Variants in CAMK1D observed in about 807,000 individuals in gnomAD.
CAMK1D encodes calcium/calmodulin dependent protein kinase ID.
Under a neutral mutation model 47.7 loss-of-function variants are expected in CAMK1D, and 9 were observed. The observed-to-expected ratio is 0.19, with a 90% CI of 0.11 to 0.33. CAMK1D has a LOEUF of 0.33. CAMK1D is among the 10% of genes least tolerant of loss of function. The pLI, the probability that CAMK1D is intolerant of heterozygous loss-of-function variation, is 1.00. For synonymous variants in CAMK1D, 184 were observed against 184.9 expected, an observed-to-expected ratio of 0.99 and a Z score of 0.04; for missense variants, 291 against 488.7, an observed-to-expected ratio of 0.60 and a Z score of 3.81.
intron 1 of CAMK1D, among the ~76,000 whole-genome samples, chr10:12,552,465 A>G (rs1409239573): frequency 6.6e-6 from 1 of 152,148 alleles, no homozygotes; most frequent in African/African-American, 2.4e-5. Context: ...AGCGCTCTGA[A>G]ATTTCCTCTA....
intron 3 of CAMK1D, among the ~76,000 whole-genome samples, chr10:12,758,370 A>G (rs1178706624): frequency 3.7e-5 from 1 of 26,806 alleles, no homozygotes; most frequent in Non-Finnish European, 9.1e-5. Flanking sequence ...TCATAAAAAT[A>G]TATGACAATA....
intron 1 of CAMK1D, among the ~76,000 whole-genome samples, chr10:12,549,743 G>A (rs1204125550): frequency 6.6e-6 from 1 of 152,116 alleles, no homozygotes; most frequent in Non-Finnish European, 1.5e-5. Context: ...CCCATGGGGC[G>A]CCACATAGCC....
At chr10:12,721,891 A>G (rs1049100718) in intron 3 of CAMK1D, among the ~76,000 whole-genome samples, 1 of 152,232 alleles carries the variant, frequency 6.6e-6, no homozygotes, top group Admixed American at 6.5e-5. Context: ...GGTTTTAGAC[A>G]GTAGGAGTTT....
intron 1 of CAMK1D, among the ~76,000 whole-genome samples, chr10:12,385,650 T>G (rs1838469948): frequency 6.6e-6 from 1 of 152,138 alleles, no homozygotes; most frequent in South Asian, 2.1e-4. Flanking sequence ...GTACAGTGTT[T>G]CTTGGGGAGA....
intron 3 of CAMK1D, among the ~76,000 whole-genome samples, chr10:12,739,351 C>A (rs55911037): frequency 8.5e-4 from 129 of 151,956 alleles, no homozygotes; most frequent in Non-Finnish European, 1.4e-3. Context: ...TCTTGGCTCA[C>A]TATAACCTCC....
intron 6 of CAMK1D, among the ~76,000 whole-genome samples, chr10:12,796,751 AGGTGGGGCAC>A (rs2131016472): frequency 6.6e-6 from 1 of 152,214 alleles, no homozygotes; most frequent in South Asian, 2.1e-4. Context: ...GAGCTTTGTG[AGGTGGGGCAC>A]GGTGCCTCAT....
At chr10:12,371,990 T>C (rs1020739772) in intron 1 of CAMK1D, among the ~76,000 whole-genome samples, 8 of 152,148 alleles carry the variant, frequency 5.3e-5, no homozygotes, top group African/African-American at 1.4e-4. Context: ...TACATTGTAT[T>C]TTCACTGCAC....
At chr10:12,476,197 CAGG>C (rs1396609516) in intron 1 of CAMK1D, among the ~76,000 whole-genome samples, 4 of 151,826 alleles carry the variant, frequency 2.6e-5, no homozygotes, top group Non-Finnish European at 4.4e-5. Context: ...GAGGCTGGGG[CAGG>C]AGAATAGCTT....
chr10:12,691,250 A>G (rs963449151), intron 3 of CAMK1D, among the ~76,000 whole-genome samples: 39 of 151,018 alleles, frequency 2.6e-4, no homozygotes, highest in African/African-American at 9.3e-4. Flanking sequence ...AGGAAATAGG[A>G]AGGCAGCCTC....
At chr10:12,504,432 TGAA>T (rs1564377490) in intron 1 of CAMK1D, among the ~76,000 whole-genome samples, 2 of 152,164 alleles carry the variant, frequency 1.3e-5, no homozygotes, top group African/African-American at 4.8e-5. Context: ...GTAGCCCCGC[TGAA>T]GAAGAGAAAG....
chr10:12,734,782 T>C (rs1240579537), intron 3 of CAMK1D, among the ~76,000 whole-genome samples: 2 of 152,040 alleles, frequency 1.3e-5, no homozygotes, highest in Non-Finnish European at 2.9e-5. Flanking sequence ...CAAATTTGCT[T>C]TCTCTTTCTT....
intron 3 of CAMK1D, among the ~76,000 whole-genome samples, chr10:12,672,699 T>C (rs926539021): frequency 3.3e-5 from 5 of 152,112 alleles, no homozygotes; most frequent in African/African-American, 7.2e-5. Flanking sequence ...TATTTCATGA[T>C]CAATTTCAGG....
chr10:12,517,120 C>G (rs1835234255), intron 1 of CAMK1D, among the ~76,000 whole-genome samples: 1 of 152,078 alleles, frequency 6.6e-6, no homozygotes, highest in Admixed American at 6.5e-5. Flanking sequence ...TGTTTACACC[C>G]AAGCATTTTA....
At chr10:12,439,993 G>A (rs561697613) in intron 1 of CAMK1D, among the ~76,000 whole-genome samples, 42 of 152,200 alleles carry the variant, frequency 2.8e-4, no homozygotes, top group Non-Finnish European at 4.7e-4. Flanking sequence ...CACGAGAACA[G>A]TATGGGGGAA....
At chr10:12,411,913 T>A (rs76495296) in intron 1 of CAMK1D, among the ~76,000 whole-genome samples, 1 of 152,230 alleles carries the variant, frequency 6.6e-6, no homozygotes, top group Non-Finnish European at 1.5e-5. Flanking sequence ...TGGCTTCATA[T>A]GCTCCTCTTG....
chr10:12,492,405 C>T (rs1050363217), intron 1 of CAMK1D, among the ~76,000 whole-genome samples: 6 of 151,286 alleles, frequency 4.0e-5, no homozygotes, highest in East Asian at 3.9e-4. Flanking sequence ...GCCATCCACT[C>T]GCATGCTTTT....
intron 1 of CAMK1D, among the ~76,000 whole-genome samples, chr10:12,490,438 T>C (rs1260926647): frequency 6.6e-6 from 1 of 152,078 alleles, no homozygotes; most frequent in Non-Finnish European, 1.5e-5. Context: ...GAAAGAGGTA[T>C]TCTGACAGAG....
At chr10:12,691,990 T>C (rs1489524355) in intron 3 of CAMK1D, among the ~76,000 whole-genome samples, 1 of 152,258 alleles carries the variant, frequency 6.6e-6, no homozygotes, top group Non-Finnish European at 1.5e-5. Context: ...GGACTACCTC[T>C]GACCTTCCTG....
chr10:12,400,930 A>C (rs1263331440), intron 1 of CAMK1D, among the ~76,000 whole-genome samples: 1 of 148,674 alleles, frequency 6.7e-6, no homozygotes, highest in East Asian at 2.0e-4. Context: ...CAACCTGTGC[A>C]ATATAGCGAG....
Sources: gnomAD v4.1 joint callset for allele counts (sites outside exome capture counted in the v4.1 genomes callset) on GRCh38, gnomAD v4.1.1 for gene constraint, MANE v1.5 for transcripts, NCBI Gene and HGNC (gene_info 2026-07-23, HGNC 2026-07-21) for gene names.